SRBD1: variants seen among roughly 807,000 people sequenced by gnomAD.
SRBD1 encodes the protein S1 RNA-binding domain-containing protein 1.
SRBD1 carries 88 observed loss-of-function variants against 115.3 expected under a neutral mutation model. The observed-to-expected ratio is 0.76, with a 90% confidence interval of 0.64 to 0.91. The LOEUF (loss-of-function observed/expected upper bound fraction) is 0.91. SRBD1 is among the 40% of genes least tolerant of loss of function. SRBD1 has a pLI of 0.00. For synonymous variants in SRBD1, 509 were observed against 407.7 expected, an observed-to-expected ratio of 1.25 and a Z score of -2.99; for missense variants, 1,385 against 1,177.4, an observed-to-expected ratio of 1.18 and a Z score of -2.58.
intron 16 of SRBD1, among the ~76,000 whole-genome samples, chr2:45,432,274 C>T (rs1668364782): frequency 6.6e-6 from 1 of 152,070 alleles, no homozygotes; most frequent in Non-Finnish European, 1.5e-5. Flanking sequence ...GGTGATCCGC[C>T]CACCTCAGCC....
chr2:45,419,706 G>T, intron 17 of SRBD1, 82 bp downstream of exon 17: 2 of 1,216,746 alleles, frequency 1.6e-6, no homozygotes, highest in Non-Finnish European at 2.4e-6. Flanking sequence ...TTATACACGT[G>T]TTCCCTTCTT....
At chr2:45,553,189 C>T (rs1303422053) in intron 11 of SRBD1, among the ~76,000 whole-genome samples, 10 of 152,080 alleles carry the variant, frequency 6.6e-5, no homozygotes, top group African/African-American at 1.7e-4. Flanking sequence ...TCTATTAGTC[C>T]GTTCACATTG....
intron 15 of SRBD1, among the ~76,000 whole-genome samples, chr2:45,481,706 TAA>T (rs11352035): frequency 5.9e-5 from 9 of 151,898 alleles, no homozygotes; most frequent in South Asian, 2.1e-4. Context: ...CCAAAAATGT[TAA>T]AAAAAAAATC....
At chr2:45,600,877 T>C (rs1674070773) in intron 3 of SRBD1, among the ~76,000 whole-genome samples, 1 of 152,186 alleles carries the variant, frequency 6.6e-6, no homozygotes. Context: ...AGAATCACTA[T>C]TAAAAATATT....
chr2:45,439,257 G>C (rs1668589108), intron 16 of SRBD1, among the ~76,000 whole-genome samples: 1 of 151,810 alleles, frequency 6.6e-6, no homozygotes, highest in African/African-American at 2.4e-5. Context: ...ATTGACACCA[G>C]CTGGAAAATA....
intron 16 of SRBD1, among the ~76,000 whole-genome samples, chr2:45,431,486 G>A (rs1386991121): frequency 6.6e-6 from 1 of 152,198 alleles, no homozygotes; most frequent in African/African-American, 2.4e-5. Flanking sequence ...GCAGGGATAT[G>A]AAGCTGGAAG....
At chr2:45,412,279 A>G (rs1232994224) in intron 19 of SRBD1, among the ~76,000 whole-genome samples, 2 of 152,178 alleles carry the variant, frequency 1.3e-5, no homozygotes, top group East Asian at 3.8e-4. Context: ...TTTTTTCATC[A>G]TAAAACTGTT....
chr2:45,458,562 C>T (rs1669220417), intron 16 of SRBD1, among the ~76,000 whole-genome samples: 2 of 152,128 alleles, frequency 1.3e-5, no homozygotes, highest in Non-Finnish European at 2.9e-5. Flanking sequence ...AAAATTAGAA[C>T]AGTGTTTTAA....
At chr2:45,540,198 G>A (rs1354229882) in intron 14 of SRBD1, among the ~76,000 whole-genome samples, 1 of 151,928 alleles carries the variant, frequency 6.6e-6, no homozygotes, top group Non-Finnish European at 1.5e-5. Flanking sequence ...AAAATTAGCT[G>A]GGCATGGTGG....
intron 16 of SRBD1, among the ~76,000 whole-genome samples, chr2:45,461,535 C>T (rs1669317431): frequency 6.6e-6 from 1 of 152,144 alleles, no homozygotes; most frequent in Non-Finnish European, 1.5e-5. Context: ...ACTGCAAACT[C>T]GTTAGACAGA....
chr2:45,452,966 C>T lies in SRBD1; in HGVS notation c.2049+24027G>A, dbSNP rs189940465. 3.4e-4 allele frequency among the ~76,000 whole-genome samples: 51 copies of T among 152,052 alleles called. 1 individual carries two copies. Among genetic ancestry groups the T allele is most frequent in the Admixed American group, 3.2e-3 (49 of 15,242 alleles). On this transcript the variant is annotated intron_variant, in intron 16 of 20. Transcript: ENST00000263736. ...ATTCCCTGTTTATGGGGATGAAATA[C>T]GTAGTCATTTGAAGTCCACAATATG...
intron 14 of SRBD1, among the ~76,000 whole-genome samples, chr2:45,498,109 T>C (rs1670517400): frequency 6.6e-6 from 1 of 152,242 alleles, no homozygotes; most frequent in South Asian, 2.1e-4. Flanking sequence ...TTTTAGTGGC[T>C]ATGAAGTGTT....
chr2:45,478,692 C>A (rs1163071835), intron 15 of SRBD1, among the ~76,000 whole-genome samples: 1 of 152,136 alleles, frequency 6.6e-6, no homozygotes, highest in Non-Finnish European at 1.5e-5. Context: ...AATATTATTT[C>A]TTTAGCCTAA....
chr2:45,521,457 C>A (rs1424004496), intron 14 of SRBD1, among the ~76,000 whole-genome samples: 1 of 152,006 alleles, frequency 6.6e-6, no homozygotes, highest in Non-Finnish European at 1.5e-5. Flanking sequence ...AATGAGATAT[C>A]ACTGCACCCC....
At chr2:45,579,194 A>G (rs184322752) in intron 7 of SRBD1, among the ~76,000 whole-genome samples, 1 of 152,304 alleles carries the variant, frequency 6.6e-6, no homozygotes, top group East Asian at 1.9e-4. Context: ...TCTTAGAAAT[A>G]TGTCTCCCTT....
chr2:45,442,629 A>G (rs1668704215), intron 16 of SRBD1, among the ~76,000 whole-genome samples: 1 of 152,238 alleles, frequency 6.6e-6, no homozygotes, highest in Non-Finnish European at 1.5e-5. Context: ...TTAAAGAAAC[A>G]GCTATATGAG....
At chr2:45,456,357 T>G (rs941413434) in intron 16 of SRBD1, among the ~76,000 whole-genome samples, 6 of 151,940 alleles carry the variant, frequency 3.9e-5, no homozygotes, top group Non-Finnish European at 8.8e-5. Context: ...TGGCCTGCTA[T>G]CCCAGGTGGT....
At chr2:45,463,735 C>T (rs774458604) in intron 16 of SRBD1, among the ~76,000 whole-genome samples, 2 of 152,058 alleles carry the variant, frequency 1.3e-5, no homozygotes, top group Admixed American at 6.5e-5. Context: ...AGCAGTAATA[C>T]CTTTATGAAG....
chr2:45,580,102 T>C, intron 6 of SRBD1, 89 bp from the exon 7 acceptor site: 2 of 1,114,972 alleles, frequency 1.8e-6, no homozygotes, highest in Non-Finnish European at 2.4e-6. Context: ...ATGCTGAGAA[T>C]GCTAAAGAAA....
Sources: allele counts gnomAD v4.1 joint callset (sites outside exome capture counted in the v4.1 genomes callset), GRCh38; gene constraint gnomAD v4.1.1; transcripts MANE v1.5; gene names NCBI Gene and HGNC (gene_info 2026-07-23, HGNC 2026-07-21).